The following PPP1R21 variants were observed in gnomAD, a reference collection of about 807,000 sequenced individuals.
PPP1R21 encodes protein phosphatase 1 regulatory subunit 21.
PPP1R21 carries 85 observed loss-of-function variants against 112.8 expected under a neutral mutation model. The observed-to-expected ratio is 0.75, with a 90% CI of 0.63 to 0.90. The LOEUF (loss-of-function observed/expected upper bound fraction) is 0.90, where lower values mean the gene tolerates loss of function less well. Ranked by LOEUF, PPP1R21 falls within the 40% of genes least tolerant of loss-of-function variation. PPP1R21 has a pLI of 0.00. For synonymous variants in PPP1R21, 381 were observed against 322.3 expected (o/e 1.18, Z -1.95); for missense variants, 1,199 against 901.5 (o/e 1.33, Z -4.23).
At chr2:48,466,992 C>T (rs1383264099) in intron 9 of PPP1R21, among the ~76,000 whole-genome samples, 2 of 152,132 alleles carry the variant, frequency 1.3e-5, no homozygotes, top group Non-Finnish European at 2.9e-5. Context: ...CATAAAAGTG[C>T]CATTTTATTG....
chr2:48,514,663 G>T (rs1670793812), intron 21 of PPP1R21, 52 bp from the exon 22 acceptor site: 1 of 1,338,006 alleles, frequency 7.5e-7, no homozygotes, highest in African/African-American at 1.4e-5. Flanking sequence ...AACTATGTGA[G>T]TTATTTTTTT....
At chr2:48,507,133 G>A in intron 18 of PPP1R21, 136 bp from the exon 19 acceptor site, 2 of 1,261,416 alleles carry the variant, frequency 1.6e-6, no homozygotes, top group Non-Finnish European at 2.1e-6. Flanking sequence ...GTTTCTTCGA[G>A]GGGGTAGGAA....
chr2:48,479,576 G>A (rs565764103), intron 12 of PPP1R21: 40 of 500,890 alleles, frequency 8.0e-5, no homozygotes, highest in South Asian at 6.0e-4. Flanking sequence ...TTTTAGCGAT[G>A]TTCAGCAAAT....
chr2:48,468,415 T>C (rs1400653860), intron 9 of PPP1R21, among the ~76,000 whole-genome samples: 11 of 152,230 alleles, frequency 7.2e-5, no homozygotes, highest in Admixed American at 2.6e-4. Context: ...AAATGTTCTT[T>C]AATATCACTG....
chr2:48,500,418 G>C lies in PPP1R21; in HGVS notation c.1935+1683G>C, dbSNP rs1227551000. ...CTTTTTACCGCTAACCTTTCTGCATGTTTGACATTTTTCATAATAAAATAT... is the reference window on the plus strand; with the variant it reads ...CTTTTTACCGCTAACCTTTCTGCATCTTTGACATTTTTCATAATAAAATAT... On this transcript the variant is annotated intron_variant, in intron 17 of 21. Transcript: ENST00000294952. Among the ~76,000 whole-genome samples, 4 of 151,748 alleles carry C rather than the reference G, an allele frequency of 2.6e-5. No homozygotes were observed. The East Asian group carries it at 5.8e-4, about 22-fold the overall frequency.
At chr2:48,443,345 G>C (rs1464150006) in intron 1 of PPP1R21, among the ~76,000 whole-genome samples, 1 of 152,166 alleles carries the variant, frequency 6.6e-6, no homozygotes. Context: ...GGAAGTTTAG[G>C]GTTGGAAGGC....
At chr2:48,511,489 T>C in intron 21 of PPP1R21, 21 bp downstream of exon 21, 8 of 1,585,420 alleles carry the variant, frequency 5.0e-6, no homozygotes, top group South Asian at 1.1e-5. Context: ...TGAGGTGAGG[T>C]AGTCTCTCTG....
chr2:48,450,889 A>T, intron 1 of PPP1R21, 119 bp from the exon 2 acceptor site: 6 of 740,408 alleles, frequency 8.1e-6, no homozygotes, highest in Admixed American at 2.2e-5. Context: ...TTGTTCTCAT[A>T]TATATGTGAG....
At chr2:48,492,166 G>A (rs1669595429) in intron 15 of PPP1R21, among the ~76,000 whole-genome samples, 1 of 152,118 alleles carries the variant, frequency 6.6e-6, no homozygotes, top group Non-Finnish European at 1.5e-5. Context: ...TATTAAATTA[G>A]ATCATTACAG....
intron 1 of PPP1R21, among the ~76,000 whole-genome samples, chr2:48,448,440 G>A (rs1048895874): frequency 6.6e-6 from 1 of 152,118 alleles, no homozygotes; most frequent in Admixed American, 6.5e-5. Flanking sequence ...ATTAATTGCT[G>A]TGGTTCTGGT....
chr2:48,510,342 G>A (rs1482945858), intron 20 of PPP1R21, among the ~76,000 whole-genome samples: 1 of 152,146 alleles, frequency 6.6e-6, no homozygotes, highest in East Asian at 1.9e-4. Context: ...GTCGGCTTTT[G>A]CTTAAATAAT....
chr2:48,479,518 C>T (rs1415771052), intron 12 of PPP1R21: 2 of 475,946 alleles, frequency 4.2e-6, no homozygotes, highest in East Asian at 6.9e-5. Flanking sequence ...CAGAGCTCCT[C>T]ACGCTGACAT....
At chr2:48,453,066 G>A (rs530493377) in intron 2 of PPP1R21, among the ~76,000 whole-genome samples, 43 of 151,088 alleles carry the variant, frequency 2.8e-4, no homozygotes, top group African/African-American at 1.0e-3. Flanking sequence ...TGATTCTTGT[G>A]CTTCAGCCTC....
chr2:48,461,348 A>G (rs538699520), intron 7 of PPP1R21, 116 bp downstream of exon 7: 6 of 1,332,422 alleles, frequency 4.5e-6, no homozygotes, highest in Non-Finnish European at 5.8e-6. Context: ...CCCACAGAAG[A>G]TTGCTTTCTC....
At chr2:48,481,068 A>G (rs1432646531) in intron 13 of PPP1R21, among the ~76,000 whole-genome samples, 1 of 152,170 alleles carries the variant, frequency 6.6e-6, no homozygotes, top group East Asian at 1.9e-4. Context: ...CGCTCACTGC[A>G]GCCTTTGCCT....
At chr2:48,476,444 T>C (rs1254298892) in intron 12 of PPP1R21, among the ~76,000 whole-genome samples, 1 of 152,198 alleles carries the variant, frequency 6.6e-6, no homozygotes, top group African/African-American at 2.4e-5. Flanking sequence ...GGACATCTCT[T>C]TTCATTTCTT....
intron 13 of PPP1R21, among the ~76,000 whole-genome samples, chr2:48,485,326 C>G (rs1267446022): frequency 6.6e-6 from 1 of 151,894 alleles, no homozygotes; most frequent in African/African-American, 2.4e-5. Context: ...AAACAAAAAG[C>G]ATTCAGCATC....
chr2:48,468,855 G>A (rs1353395824), intron 9 of PPP1R21, among the ~76,000 whole-genome samples: 2,383 of 151,120 alleles, frequency 0.016, 53 homozygotes, highest in African/African-American at 0.053. Context: ...GTGTGTGTGT[G>A]TGTATGTATA....
At chr2:48,488,305 T>G (rs1012148095) in intron 14 of PPP1R21, among the ~76,000 whole-genome samples, 6 of 152,112 alleles carry the variant, frequency 3.9e-5, no homozygotes, top group African/African-American at 1.4e-4. Flanking sequence ...CCTAACTGAT[T>G]CAGTTAAGAA....
Sources: gnomAD v4.1 joint callset for allele counts (sites outside exome capture counted in the v4.1 genomes callset) on GRCh38, gnomAD v4.1.1 for gene constraint, MANE v1.5 for transcripts, NCBI Gene and HGNC (gene_info 2026-07-23, HGNC 2026-07-21) for gene names.